HHLA1: variants seen among roughly 807,000 people sequenced by gnomAD.
HHLA1 encodes HERV-H LTR-associating protein 1.
In HHLA1, 72 loss-of-function variants were observed where a neutral mutation model predicts 69.9. The observed-to-expected ratio is 1.03, with a 90% confidence interval of 0.85 to 1.25. The LOEUF (loss-of-function observed/expected upper bound fraction) is 1.25, where lower values mean the gene tolerates loss of function less well. Among genes scored for constraint, HHLA1 ranks in the 50% most tolerant of loss-of-function variants. HHLA1 has a pLI of 0.00. For synonymous variants in HHLA1, 252 were observed against 233.2 expected (o/e 1.08, Z -0.73); for missense variants, 685 against 642.2 (o/e 1.07, Z -0.72).
chr8:132,086,799 A>G (rs1823871958), intron 10 of HHLA1, among the ~76,000 whole-genome samples: 1 of 152,228 alleles, frequency 6.6e-6, no homozygotes, highest in Non-Finnish European at 1.5e-5. Context: ...TCCATAGCAT[A>G]ATCAAAAGAT....
chr8:132,078,379 A>G (rs777732868), intron 11 of HHLA1, among the ~76,000 whole-genome samples: 9 of 152,098 alleles, frequency 5.9e-5, no homozygotes, highest in Non-Finnish European at 1.3e-4. Flanking sequence ...CCATGGTGTG[A>G]ACTTTGGGGC....
At chr8:132,070,311 G>C in intron 15 of HHLA1, 1 of 701,814 alleles carries the variant, frequency 1.4e-6, no homozygotes, top group Non-Finnish European at 2.6e-6. Flanking sequence ...TATAAAACAG[G>C]TTCTGCTTTT....
At chr8:132,076,618 C>A in intron 12 of HHLA1, 75 bp from the exon 13 acceptor site, 2 of 880,200 alleles carry the variant, frequency 2.3e-6, no homozygotes, top group South Asian at 2.2e-5. Context: ...CCAGGGCCAC[C>A]TATCCTGCCC....
At chr8:132,084,353 A>G (rs1268102995) in intron 10 of HHLA1, among the ~76,000 whole-genome samples, 2 of 152,126 alleles carry the variant, frequency 1.3e-5, no homozygotes, top group African/African-American at 2.4e-5. Flanking sequence ...AGAAAGACTC[A>G]GCGACGCTTG....
In HHLA1 at chr8:132,101,414, A is replaced by G. The variant is rs928902264; in HGVS notation, c.140-1280T>C. 1.0e-5 allele frequency: 12 copies of G among 1,153,350 alleles called. No individual in the cohort carries two copies. The Admixed American group carries it at 2.2e-4, about 21-fold the overall frequency. The allele number at this position is 1,153,350 out of a possible 1,614,324, so 71.4% of individuals were successfully genotyped here. On this transcript the variant is annotated intron_variant, in intron 3 of 16. Coordinates refer to ENST00000414222, the MANE Select transcript of HHLA1 (RefSeq NM_001145095.3). Reference sequence around the variant, plus strand: ...CCCCAAACTTGATTTGATGTACCTAAATTTGATGTACCATATTGGGCTAGT... The same window carrying G: ...CCCCAAACTTGATTTGATGTACCTAGATTTGATGTACCATATTGGGCTAGT...
At chr8:132,098,620 C>T (rs576892813) in intron 5 of HHLA1, among the ~76,000 whole-genome samples, 205 of 152,098 alleles carry the variant, frequency 1.3e-3, no homozygotes, top group African/African-American at 4.2e-3. Context: ...CACCACTGCA[C>T]GCAGCTAATT....
At chr8:132,087,788 A>AC (rs1823887616) in intron 9 of HHLA1, 49 bp from the exon 10 acceptor site, 2 of 1,543,094 alleles carry the variant, frequency 1.3e-6, no homozygotes, top group Non-Finnish European at 1.8e-6. Flanking sequence ...CATCTGCTGG[A>AC]CAGTTTTGTC....
intron 10 of HHLA1, among the ~76,000 whole-genome samples, chr8:132,083,725 T>C (rs959321789): frequency 3.9e-5 from 6 of 152,180 alleles, no homozygotes; most frequent in African/African-American, 1.4e-4. Context: ...GAGGAGGTTC[T>C]GGAGGAACGC....
chr8:132,109,450 T>A (rs1824260760), intron 1 of HHLA1, among the ~76,000 whole-genome samples: 1 of 152,114 alleles, frequency 6.6e-6, no homozygotes, highest in African/African-American at 2.4e-5. Context: ...AACATTTTTC[T>A]CCTGTAATCT....
intron 8 of HHLA1, among the ~76,000 whole-genome samples, chr8:132,088,919 T>G (rs1347892520): frequency 6.6e-6 from 1 of 152,210 alleles, no homozygotes; most frequent in Admixed American, 6.5e-5. Flanking sequence ...TAGCTGTTAC[T>G]ATTTCTCTTT....
intron 1 of HHLA1, among the ~76,000 whole-genome samples, chr8:132,105,754 G>C (rs1824193776): frequency 6.6e-6 from 1 of 152,216 alleles, no homozygotes; most frequent in Admixed American, 6.5e-5. Flanking sequence ...AACTGGGAAT[G>C]TAGAGGGGGA....
intron 7 of HHLA1, among the ~76,000 whole-genome samples, chr8:132,090,369 GGCGAAT>G (rs1288487228): frequency 1.3e-5 from 2 of 152,166 alleles, no homozygotes; most frequent in African/African-American, 4.8e-5. Flanking sequence ...TTCTAAACAA[GGCGAAT>G]GTGTTTGAGG....
chr8:132,107,282 C>T (rs1329753117), intron 1 of HHLA1, among the ~76,000 whole-genome samples: 1 of 152,094 alleles, frequency 6.6e-6, no homozygotes, highest in Non-Finnish European at 1.5e-5. Flanking sequence ...TAAGAGTAAA[C>T]ATTCTAAGAT....
Position 132,076,398 on chromosome 8 carries a change from C to A in HHLA1, c.1240+77G>T, listed in dbSNP as rs180903463. On this transcript the variant is annotated intron_variant, in intron 13 of 16. Transcript: ENST00000414222. ...GATTGCTTACTGGTACCCCATCCCA[C>A]CACGCCCTTGTCCCCAAGCTTCCCA... 5.8e-4 allele frequency: 598 copies of A among 1,033,776 alleles called. 1 individual carries two copies. In the African/African-American group the frequency reaches 8.7e-3, roughly 15 times the overall value. 64.0% of individuals were successfully genotyped at this position (1,033,776 alleles called of 1,614,324 possible).
chr8:132,083,415 G>T lies in HHLA1; in HGVS notation c.677-3449C>A, dbSNP rs1456104870. The stretch of plus-strand genomic sequence containing the variant: ...TCCGTATTGATTAAGAAGGGGACGG[G>T]CTTACCTTCCACTGTGAGAGTTACC... On this transcript the variant is annotated intron_variant, in intron 10 of 16. Coordinates refer to ENST00000414222, the MANE Select transcript of HHLA1 (RefSeq NM_001145095.3). Among the ~76,000 whole-genome samples the T allele has an allele frequency of 2.0e-5, 3 of 152,064 alleles. No individual in the cohort carries two copies. In the East Asian group the frequency reaches 5.8e-4, roughly 29 times the overall value.
In HHLA1 at chr8:132,083,778, G is replaced by C. The variant is rs60225440; in HGVS notation, c.677-3812C>G. Among the ~76,000 whole-genome samples the C allele has an allele frequency of 3.0e-3, 462 of 152,316 alleles. 3 individuals carry two copies. Among genetic ancestry groups the C allele is most frequent in the African/African-American group, 0.011 (445 of 41,578 alleles). On this transcript the variant is annotated intron_variant, in intron 10 of 16. Coordinates refer to ENST00000414222, the MANE Select transcript of HHLA1 (RefSeq NM_001145095.3). Reference sequence around the variant, plus strand: ...GGCGTTTGGAAGTTCTTGTGTGCTGGAGATGTGGCTGGGGTTTGTCTCACA... The same window carrying C: ...GGCGTTTGGAAGTTCTTGTGTGCTGCAGATGTGGCTGGGGTTTGTCTCACA...
chr8:132,076,539 T>C lies in HHLA1; in HGVS notation c.1176A>G (p.Ala392=), dbSNP rs938587933. 2.0e-6 allele frequency: 3 copies of C among 1,529,848 alleles called. No individual in the cohort carries two copies. In the Admixed American group the frequency reaches 6.3e-5, roughly 32 times the overall value. The allele number at this position is 1,529,848 out of a possible 1,614,324, so 94.8% of individuals were successfully genotyped here. Reference sequence around the variant, plus strand: ...TCGGAGTCTGTGTGCCATGGGTGAATGCTCCTGGGAGGAGATGAGAGAGAG... The same window carrying C: ...TCGGAGTCTGTGTGCCATGGGTGAACGCTCCTGGGAGGAGATGAGAGAGAG... The part of the protein sequence containing the change: ...SPSQASPTLG[A]FTHGTQTPSP... The change falls in exon 13 of 17, where the codon GCA becomes GCG. Residue 392 remains alanine (A), a synonymous_variant. Transcript: ENST00000414222.
intron 15 of HHLA1, among the ~76,000 whole-genome samples, 164 bp from the exon 16 acceptor site, chr8:132,066,132 A>G (rs1295366012): frequency 2.0e-5 from 3 of 152,086 alleles, no homozygotes; most frequent in Non-Finnish European, 2.9e-5. Context: ...AGAGATAGGA[A>G]AGAAGGCTGG....
At chr8:132,093,626 A>C (rs1823977408) in intron 7 of HHLA1, among the ~76,000 whole-genome samples, 1 of 152,236 alleles carries the variant, frequency 6.6e-6, no homozygotes, top group Non-Finnish European at 1.5e-5. Flanking sequence ...TCAGTAGATA[A>C]TGATCCATGG....
Sources: allele counts gnomAD v4.1 joint callset (sites outside exome capture counted in the v4.1 genomes callset), GRCh38; gene constraint gnomAD v4.1.1; transcripts MANE v1.5; gene names NCBI Gene and HGNC (gene_info 2026-07-23, HGNC 2026-07-21).